MUSK: variants seen among roughly 807,000 people sequenced by gnomAD.
The protein encoded by MUSK is muscle associated receptor tyrosine kinase, also known as muscle, skeletal receptor tyrosine-protein kinase.
MUSK carries 55 observed loss-of-function variants against 88.7 expected under a neutral mutation model. The observed-to-expected ratio is 0.62, with a 90% confidence interval of 0.50 to 0.78. The LOEUF is 0.78. Ranked by LOEUF, MUSK falls within the 30% of genes least tolerant of loss-of-function variation. The pLI is 0.00. For synonymous variants in MUSK, 387 were observed against 391.9 expected (o/e 0.99, Z 0.15); for missense variants, 1,015 against 1,074.3 (o/e 0.94, Z 0.77).
At chr9:110,735,899 T>A (rs998007254) in intron 6 of MUSK, among the ~76,000 whole-genome samples, 3 of 152,068 alleles carry the variant, frequency 2.0e-5, no homozygotes, top group African/African-American at 7.2e-5. Context: ...CTCACTATCA[T>A]GAGAACAGCA....
At position 110,803,636 on chromosome 9, in the gene MUSK, C is replaced by CA. The variant is rs933716535; in HGVS notation, c.*2655dup. Reference sequence around the variant, plus strand: ...CTTCCTAAGTCTTTTTAATGAATAGCAAAAAAAGTATATTTCAGCATTATC... The same window carrying CA: ...CTTCCTAAGTCTTTTTAATGAATAGCAAAAAAAAGTATATTTCAGCATTATC... On this transcript the variant is annotated 3_prime_UTR_variant, in exon 15 of 15. Coordinates refer to ENST00000374448, the MANE Select transcript of MUSK (RefSeq NM_005592.4). Among the ~76,000 whole-genome samples the CA allele has an allele frequency of 2.0e-5, 3 of 151,806 alleles. No individual in the cohort carries two copies. The highest frequency in any genetic ancestry group is 4.2e-4 in the South Asian group (2 of 4,818).
intron 5 of MUSK, among the ~76,000 whole-genome samples, chr9:110,719,663 G>C (rs1028063463): frequency 8.5e-5 from 13 of 152,070 alleles, no homozygotes; most frequent in African/African-American, 3.1e-4. Context: ...ATACTACACT[G>C]ATAGCACTAG....
At chr9:110,743,862 A>G (rs2077134503) in intron 6 of MUSK, among the ~76,000 whole-genome samples, 1 of 152,220 alleles carries the variant, frequency 6.6e-6, no homozygotes, top group Admixed American at 6.5e-5. Flanking sequence ...TAATCAGAAA[A>G]ACTATGGAAA....
At chr9:110,765,462 C>G (rs2077466106) in intron 8 of MUSK, among the ~76,000 whole-genome samples, 1 of 152,170 alleles carries the variant, frequency 6.6e-6, no homozygotes, top group South Asian at 2.1e-4. Flanking sequence ...ACAGTCATGG[C>G]TGACACCTAT....
At chr9:110,677,455 A>G (rs2076046896) in intron 1 of MUSK, among the ~76,000 whole-genome samples, 13 of 152,092 alleles carry the variant, frequency 8.5e-5, no homozygotes, top group Admixed American at 8.5e-4. Context: ...AACGTGTGCT[A>G]CTCTTGGGCT....
chr9:110,730,024 G>T (rs1159603182), intron 5 of MUSK, among the ~76,000 whole-genome samples: 1 of 151,948 alleles, frequency 6.6e-6, no homozygotes, highest in Non-Finnish European at 1.5e-5. Context: ...TTTGAAATAA[G>T]GAGAGAGAGA....
intron 5 of MUSK, among the ~76,000 whole-genome samples, chr9:110,718,198 C>A (rs549274405): frequency 6.6e-6 from 1 of 152,006 alleles, no homozygotes; most frequent in African/African-American, 2.4e-5. Context: ...AGTGTCCCCA[C>A]ACTATGGTGC....
chr9:110,732,208 C>T (rs369632528), intron 5 of MUSK, among the ~76,000 whole-genome samples: 34 of 151,904 alleles, frequency 2.2e-4, no homozygotes, highest in East Asian at 1.2e-3. Context: ...TTCAGATTCT[C>T]GGGCAGTGGG....
At chr9:110,718,562 C>T (rs1343846645) in intron 5 of MUSK, among the ~76,000 whole-genome samples, 1 of 151,896 alleles carries the variant, frequency 6.6e-6, no homozygotes, top group Non-Finnish European at 1.5e-5. Flanking sequence ...ATGGACAAAG[C>T]CTCCAAGAAG....
At chr9:110,670,499 A>T (rs1587869880) in intron 1 of MUSK, among the ~76,000 whole-genome samples, 1 of 152,216 alleles carries the variant, frequency 6.6e-6, no homozygotes, top group African/African-American at 2.4e-5. Context: ...CAAAACCCCC[A>T]AAATCTCTCT....
chr9:110,778,268 A>G (rs1484503041), intron 11 of MUSK, among the ~76,000 whole-genome samples: 1 of 152,062 alleles, frequency 6.6e-6, no homozygotes, highest in African/African-American at 2.4e-5. Flanking sequence ...TGAGCAGGCA[A>G]TGCCTTTGTG....
intron 2 of MUSK, among the ~76,000 whole-genome samples, chr9:110,686,525 T>G (rs2076198089): frequency 6.6e-6 from 1 of 152,150 alleles, no homozygotes; most frequent in Non-Finnish European, 1.5e-5. Context: ...CCTAATTCCC[T>G]TCTCAACAAA....
rs1044293072 is a variant in MUSK, at chr9:110,753,566, T to C, written c.913+5766T>C. Among the ~76,000 whole-genome samples the C allele has an allele frequency of 5.3e-5, 8 of 152,084 alleles. No individual in the cohort carries two copies. The South Asian group carries it at 1.7e-3, about 32-fold the overall frequency. ...GTGCAGTCCATGGTTCTATCCATGT[T>C]TATCCAGTCTCAGAGTACAGGGACG... On this transcript the variant is annotated intron_variant, in intron 7 of 14. Transcript: ENST00000374448.
intron 1 of MUSK, among the ~76,000 whole-genome samples, chr9:110,681,080 T>TTATATAATATATAA (rs2076118503): frequency 7.7e-5 from 2 of 25,990 alleles, no homozygotes; most frequent in Non-Finnish European, 1.3e-4. Context: ...ATTATATATA[T>TTATATAATATATAA]TATATAATAT....
At chr9:110,701,923 T>TATTTCATTTCATTTCATTTC (rs1321358016) in intron 5 of MUSK, among the ~76,000 whole-genome samples, 4 of 140,296 alleles carry the variant, frequency 2.9e-5, no homozygotes, top group Non-Finnish European at 6.1e-5. Context: ...TATTTTATTT[T>TATTTCATTTCATTTCATTTC]ATTTCATAGA....
chr9:110,674,505 T>C (rs1268274530), intron 1 of MUSK, among the ~76,000 whole-genome samples: 1 of 152,164 alleles, frequency 6.6e-6, no homozygotes, highest in Admixed American at 6.5e-5. Context: ...TAGAATTTAG[T>C]ACAATTGATC....
At chr9:110,695,982 C>T (rs554174594) in intron 4 of MUSK, among the ~76,000 whole-genome samples, 3 of 152,218 alleles carry the variant, frequency 2.0e-5, no homozygotes, top group East Asian at 3.9e-4. Context: ...GACTCATACA[C>T]AAATACCTTG....
At chr9:110,800,254 C>T (rs2078070646) in intron 14 of MUSK, 52 bp from the exon 15 acceptor site, 1 of 1,510,740 alleles carries the variant, frequency 6.6e-7, no homozygotes, top group East Asian at 2.3e-5. Context: ...GTGCTCTTTC[C>T]ATTGTTTCAT....
rs1426085164 is a variant in MUSK at position 110,806,196 on chromosome 9, T to A, written c.*5208T>A. Among the ~76,000 whole-genome samples the A allele has an allele frequency of 5.9e-5, 9 of 152,266 alleles. No individual in the cohort carries two copies. Among genetic ancestry groups the A allele is most frequent in the South Asian group, 2.1e-4 (1 of 4,832 alleles). On this transcript the variant is annotated 3_prime_UTR_variant, in exon 15 of 15. Transcript: ENST00000374448. ...TCTCTTTCTGAATTGATCAATTTTT[T>A]AAAAATATGCAGCACTCTGACTCAA...
Sources: allele counts gnomAD v4.1 joint callset (sites outside exome capture counted in the v4.1 genomes callset), GRCh38; gene constraint gnomAD v4.1.1; transcripts MANE v1.5; gene names NCBI Gene and HGNC (gene_info 2026-07-23, HGNC 2026-07-21).